The following KCTD16 variants were observed in gnomAD, a reference collection of about 807,000 sequenced individuals.
The protein encoded by KCTD16 is BTB/POZ domain-containing protein KCTD16.
Under a neutral mutation model 33.2 loss-of-function variants are expected in KCTD16, and 13 were observed. That is an observed-to-expected ratio of 0.39 (90% CI 0.25 to 0.62). The LOEUF (loss-of-function observed/expected upper bound fraction) is 0.62, where lower values mean the gene tolerates loss of function less well. KCTD16 is among the 20% of genes least tolerant of loss of function. KCTD16 has a pLI of 0.50. For synonymous variants in KCTD16, 197 were observed against 195.3 expected (o/e 1.01, Z -0.07); for missense variants, 441 against 525.1 (o/e 0.84, Z 1.57).
chr5:144,280,495 G>A (rs1474023618), intron 3 of KCTD16, among the ~76,000 whole-genome samples: 2 of 152,148 alleles, frequency 1.3e-5, no homozygotes. Flanking sequence ...TTCTTTTAAT[G>A]TCTGTGGAGT....
chr5:144,377,515 G>T (rs2126928478), intron 3 of KCTD16, among the ~76,000 whole-genome samples: 1 of 152,228 alleles, frequency 6.6e-6, no homozygotes. Context: ...CCTCTCTGGG[G>T]CCAGAGTCAG....
At chr5:144,416,529 C>G (rs1365754039) in intron 3 of KCTD16, among the ~76,000 whole-genome samples, 1 of 152,130 alleles carries the variant, frequency 6.6e-6, no homozygotes, top group Admixed American at 6.6e-5. Flanking sequence ...ACTAAAGATA[C>G]TCTTGGTCCA....
At chr5:144,313,532 A>G (rs1436703824) in intron 3 of KCTD16, among the ~76,000 whole-genome samples, 2 of 152,224 alleles carry the variant, frequency 1.3e-5, no homozygotes, top group Non-Finnish European at 2.9e-5. Context: ...TAGAAAGTGC[A>G]GCTACAATTT....
At chr5:144,182,040 G>C (rs543525312) in intron 2 of KCTD16, among the ~76,000 whole-genome samples, 1 of 150,554 alleles carries the variant, frequency 6.6e-6, no homozygotes, top group Non-Finnish European at 1.5e-5. Context: ...AGCTGAGATC[G>C]CGCCACTGCA....
At chr5:144,390,879 C>T (rs777437768) in intron 3 of KCTD16, among the ~76,000 whole-genome samples, 7 of 151,976 alleles carry the variant, frequency 4.6e-5, no homozygotes, top group African/African-American at 7.3e-5. Flanking sequence ...TTATGGCTGC[C>T]GAGAAGTGAT....
intron 3 of KCTD16, among the ~76,000 whole-genome samples, chr5:144,263,878 C>A (rs1056868958): frequency 3.9e-5 from 6 of 152,202 alleles, no homozygotes; most frequent in African/African-American, 1.2e-4. Flanking sequence ...TTCTTGCAGG[C>A]AGCTACCTTT....
chr5:144,221,237 G>A lies in KCTD16; in HGVS notation c.832+13691G>A, dbSNP rs192016781. Among the ~76,000 whole-genome samples the A allele has an allele frequency of 8.5e-5, 13 of 152,224 alleles. No individual in the cohort carries two copies. The East Asian group carries it at 2.3e-3, about 27-fold the overall frequency. On this transcript the variant is annotated intron_variant, in intron 3 of 3. Coordinates refer to ENST00000512467, the MANE Select transcript of KCTD16 (RefSeq NM_020768.4). ...CATCTAGAGAATGTCTTAAGGATGCGTAATGAAGAAGAGAGACATTAAATC... is the reference window on the plus strand; with the variant it reads ...CATCTAGAGAATGTCTTAAGGATGCATAATGAAGAAGAGAGACATTAAATC...
chr5:144,350,841 G>T (rs1751410591), intron 3 of KCTD16, among the ~76,000 whole-genome samples: 1 of 146,060 alleles, frequency 6.8e-6, no homozygotes, highest in African/African-American at 2.5e-5. Flanking sequence ...GATCTTCTCT[G>T]TCACATGCGG....
chr5:144,219,876 CTG>C (rs1753687297), intron 3 of KCTD16, among the ~76,000 whole-genome samples: 2 of 152,144 alleles, frequency 1.3e-5, no homozygotes, highest in African/African-American at 4.8e-5. Context: ...GCAGGAGAAA[CTG>C]AGAGCAGATG....
intron 3 of KCTD16, among the ~76,000 whole-genome samples, chr5:144,237,667 C>T (rs1204339750): frequency 6.6e-6 from 1 of 152,110 alleles, no homozygotes; most frequent in East Asian, 1.9e-4. Flanking sequence ...AACAAAAACA[C>T]CAACCACCAA....
At chr5:144,447,408 G>T (rs1358101492) in intron 3 of KCTD16, among the ~76,000 whole-genome samples, 2 of 152,010 alleles carry the variant, frequency 1.3e-5, no homozygotes, top group East Asian at 3.9e-4. Flanking sequence ...GACCTGTCAG[G>T]GGCTGGGGGA....
At chr5:144,233,058 A>G (rs1418646537) in intron 3 of KCTD16, among the ~76,000 whole-genome samples, 1 of 151,962 alleles carries the variant, frequency 6.6e-6, no homozygotes, top group African/African-American at 2.4e-5. Context: ...TCAAAGCAAT[A>G]TTGGAAAACA....
intron 3 of KCTD16, among the ~76,000 whole-genome samples, chr5:144,373,730 G>A (rs552932356): frequency 3.3e-4 from 51 of 152,324 alleles, no homozygotes; most frequent in African/African-American, 1.2e-3. Context: ...TATTCCAGAT[G>A]TGAAGTTACT....
chr5:144,326,235 C>G (rs1332541140), intron 3 of KCTD16, among the ~76,000 whole-genome samples: 1 of 152,096 alleles, frequency 6.6e-6, no homozygotes, highest in Non-Finnish European at 1.5e-5. Context: ...TTCAAGAACA[C>G]CATCTCTAAC....
chr5:144,437,714 AG>A (rs1318907696), intron 3 of KCTD16, among the ~76,000 whole-genome samples: 1 of 152,166 alleles, frequency 6.6e-6, no homozygotes, highest in East Asian at 1.9e-4. Flanking sequence ...TATGAATTCC[AG>A]CTCTGAAACT....
At chr5:144,230,275 A>ATTTG (rs1754063133) in intron 3 of KCTD16, among the ~76,000 whole-genome samples, 1 of 152,230 alleles carries the variant, frequency 6.6e-6, no homozygotes, top group African/African-American at 2.4e-5. Context: ...GCCAGTATAA[A>ATTTG]AGTGTTTGAG....
Position 144,301,203 on chromosome 5 carries a change from T to C in KCTD16, c.832+93657T>C, listed in dbSNP as rs151077415. Among the ~76,000 whole-genome samples, 748 of 140,352 alleles carry C rather than the reference T, an allele frequency of 5.3e-3. 6 individuals carry two copies. Among genetic ancestry groups the C allele is most frequent in the African/African-American group, 0.018 (673 of 36,856 alleles). 92.1% of individuals were successfully genotyped at this position (140,352 alleles called of 152,430 possible). On this transcript the variant is annotated intron_variant, in intron 3 of 3. Coordinates refer to ENST00000512467, the MANE Select transcript of KCTD16 (RefSeq NM_020768.4). The stretch of plus-strand genomic sequence containing the variant: ...TTGCAGTGAGCTGAGATCGCACCAT[T>C]GCACTCAAACCTGGGTGACAGAGCG...
chr5:144,249,271 C>T (rs1015730082), intron 3 of KCTD16, among the ~76,000 whole-genome samples: 1 of 151,952 alleles, frequency 6.6e-6, no homozygotes, highest in Non-Finnish European at 1.5e-5. Flanking sequence ...TTTTTTTCTG[C>T]GTCAGAGGCT....
chr5:144,326,510 G>A (rs1193138884), intron 3 of KCTD16, among the ~76,000 whole-genome samples: 2 of 152,040 alleles, frequency 1.3e-5, no homozygotes, highest in Non-Finnish European at 2.9e-5. Flanking sequence ...GCAATTCAAA[G>A]TATTAAAATG....
Sources: gnomAD v4.1 joint callset for allele counts (sites outside exome capture counted in the v4.1 genomes callset) on GRCh38, gnomAD v4.1.1 for gene constraint, MANE v1.5 for transcripts, NCBI Gene and HGNC (gene_info 2026-07-23, HGNC 2026-07-21) for gene names.